Variants in TIMD4 observed in about 807,000 individuals in gnomAD.
The protein encoded by TIMD4 is T-cell immunoglobulin and mucin domain-containing protein 4.
A neutral mutation model predicts 41.2 loss-of-function variants in TIMD4; 31 were observed. The observed-to-expected ratio is 0.75, with a 90% CI of 0.57 to 1.01. The LOEUF (loss-of-function observed/expected upper bound fraction) is 1.01, where lower values mean the gene tolerates loss of function less well. Among genes scored for constraint, TIMD4 ranks in the 50% least tolerant of loss-of-function variants. TIMD4 has a pLI of 0.00. For synonymous variants in TIMD4, 204 were observed against 177.1 expected (o/e 1.15, Z -1.21); for missense variants, 479 against 472.5 (o/e 1.01, Z -0.13).
At chr5:156,946,956 G>T (rs923386314) in intron 5 of TIMD4, among the ~76,000 whole-genome samples, 1 of 151,928 alleles carries the variant, frequency 6.6e-6, no homozygotes, top group Non-Finnish European at 1.5e-5. Context: ...CCAGCACTTT[G>T]GGAGGCCGAG....
chr5:156,954,862 TA>T, intron 1 of TIMD4, 106 bp from the exon 2 acceptor site: 1 of 975,954 alleles, frequency 1.0e-6, no homozygotes, highest in Non-Finnish European at 1.5e-6. Flanking sequence ...AAGAAAGCTG[TA>T]GTCTATGTTT....
chr5:156,939,994 G>C (rs1381305088), intron 5 of TIMD4, among the ~76,000 whole-genome samples: 1 of 152,154 alleles, frequency 6.6e-6, no homozygotes, highest in Non-Finnish European at 1.5e-5. Context: ...GCTTTCCACG[G>C]TCTCCCTCTG....
intron 5 of TIMD4, among the ~76,000 whole-genome samples, chr5:156,936,891 C>T (rs1468252729): frequency 6.6e-6 from 1 of 150,714 alleles, no homozygotes; most frequent in Non-Finnish European, 1.5e-5. Context: ...GAGATGGCGC[C>T]CTTGCCCTCC....
chr5:156,924,444 T>C, intron 6 of TIMD4: 1 of 484,962 alleles, frequency 2.1e-6, no homozygotes, highest in South Asian at 1.6e-5. Context: ...ACCTGCTGGA[T>C]TTTTTCCAGG....
chr5:156,955,755 G>A (rs1176714576), intron 1 of TIMD4, among the ~76,000 whole-genome samples: 1 of 152,054 alleles, frequency 6.6e-6, no homozygotes, highest in Non-Finnish European at 1.5e-5. Context: ...TCCTTTCAGT[G>A]GAAATTACTA....
chr5:156,925,005 AGAG>A (rs933989456), intron 6 of TIMD4, among the ~76,000 whole-genome samples: 1 of 150,370 alleles, frequency 6.7e-6, no homozygotes, highest in African/African-American at 2.5e-5. Flanking sequence ...AAAAAGAAAA[AGAG>A]AGAGAGAGAG....
At chr5:156,949,546 G>C in intron 4 of TIMD4, 105 bp downstream of exon 4, 1 of 952,390 alleles carries the variant, frequency 1.0e-6, no homozygotes, top group Non-Finnish European at 1.6e-6. Flanking sequence ...TGGCACAAAA[G>C]ACCCAAAGAG....
intron 2 of TIMD4, 123 bp downstream of exon 2, chr5:156,954,292 A>C: frequency 1.0e-6 from 1 of 958,780 alleles, no homozygotes; most frequent in South Asian, 1.8e-5. Flanking sequence ...ACTTTATTTC[A>C]AATTCAATCT....
chr5:156,930,969 C>G (rs959883370), intron 5 of TIMD4, among the ~76,000 whole-genome samples: 9 of 152,102 alleles, frequency 5.9e-5, no homozygotes, highest in South Asian at 2.1e-4. Flanking sequence ...CCTGGGTTAT[C>G]TGGTGGGTCT....
At chr5:156,937,142 A>G (rs1759555514) in intron 5 of TIMD4, among the ~76,000 whole-genome samples, 1 of 152,160 alleles carries the variant, frequency 6.6e-6, no homozygotes, top group African/African-American at 2.4e-5. Flanking sequence ...ACTTGGGCAG[A>G]CTTATTGAAA....
intron 1 of TIMD4, among the ~76,000 whole-genome samples, chr5:156,959,465 A>C (rs973213072): frequency 1.3e-5 from 2 of 152,196 alleles, no homozygotes; most frequent in African/African-American, 4.8e-5. Flanking sequence ...GACAAAAAAA[A>C]ATGGTTCCTG....
chr5:156,954,557 A>C lies in TIMD4; in HGVS notation c.258T>G (p.Leu86=). 6.2e-7 allele frequency: 1 copy of C among 1,614,250 alleles called. No homozygotes were observed. The highest frequency in any genetic ancestry group is 1.3e-5 in the African/African-American group (1 of 75,078). Residue 86 remains leucine, a synonymous_variant, in exon 2 of 9, where the codon CTT becomes CTG. Coordinates refer to ENST00000274532, the MANE Select transcript of TIMD4 (RefSeq NM_138379.3). Reference sequence around the variant, plus strand: ...CATCACCTCTCGGGATAGTCCCCTGAAGTCTATATTTTGCTGACTTTCTTG... The same window carrying C: ...CATCACCTCTCGGGATAGTCCCCTGCAGTCTATATTTTGCTGACTTTCTTG... The part of the protein sequence containing the change: ...VTSRKSAKYR[L]QGTIPRGDVS...
chr5:156,924,213 A>C, intron 6 of TIMD4: 1 of 434,286 alleles, frequency 2.3e-6, no homozygotes, highest in South Asian at 1.8e-5. Flanking sequence ...TTCCCTCCCC[A>C]AAATCCCATG....
intron 6 of TIMD4, chr5:156,924,220 C>A: frequency 2.3e-6 from 1 of 426,932 alleles, no homozygotes; most frequent in East Asian, 6.1e-5. Context: ...CCCAAAATCC[C>A]ATGAAGGTTT....
rs1326294013 is a variant in TIMD4 at position 156,951,506 on chromosome 5, G to A, written c.679+6C>T. 1 of 1,613,914 alleles carries A rather than the reference G, an allele frequency of 6.2e-7. No individual in the cohort carries two copies. The highest frequency in any genetic ancestry group is 8.5e-7 in the Non-Finnish European group (1 of 1,179,980). On this transcript the variant is annotated splice_donor_region_variant and intron_variant, in intron 3 of 8. Transcript: ENST00000274532. ...GTTCTAAGAAACCCAAGATACATCT[G>A]CGTACCTGCAGTGAGGATGGGCCCT... is the stretch of plus-strand genomic sequence containing the variant.
At chr5:156,954,026 C>A (rs369442060) in intron 2 of TIMD4, among the ~76,000 whole-genome samples, 174 of 152,266 alleles carry the variant, frequency 1.1e-3, no homozygotes, top group African/African-American at 3.9e-3. Context: ...TTGAAGGTGA[C>A]CCCTGAATAC....
chr5:156,932,225 C>T (rs1278855189), intron 5 of TIMD4, among the ~76,000 whole-genome samples: 1 of 152,302 alleles, frequency 6.6e-6, no homozygotes, highest in Admixed American at 6.5e-5. Flanking sequence ...TAAATTTTCT[C>T]AAATGTGACT....
chr5:156,946,551 ACTGCAAG>A (rs1759746273), intron 5 of TIMD4, among the ~76,000 whole-genome samples: 1 of 151,918 alleles, frequency 6.6e-6, no homozygotes, highest in Non-Finnish European at 1.5e-5. Flanking sequence ...ATCTCGGCTC[ACTGCAAG>A]CTCCGCCTCC....
In TIMD4 at chr5:156,944,536, G is replaced by C. The variant is rs934114757; in HGVS notation, c.844+3880C>G. 3.9e-5 allele frequency among the ~76,000 whole-genome samples: 4 copies of C among 101,880 alleles called. No homozygotes were observed. The South Asian group carries it at 1.3e-3, about 33-fold the overall frequency. 66.8% of individuals were successfully genotyped at this position (101,880 alleles called of 152,430 possible). ...TTTTTTTTTTTTGAGACGGAGTCTC[G>C]TTATTTCCCCCAGGCTGGAGTACAG... On this transcript the variant is annotated intron_variant, in intron 5 of 8. Coordinates refer to ENST00000274532, the MANE Select transcript of TIMD4 (RefSeq NM_138379.3).
Sources: allele counts gnomAD v4.1 joint callset (sites outside exome capture counted in the v4.1 genomes callset), GRCh38; gene constraint gnomAD v4.1.1; transcripts MANE v1.5; gene names NCBI Gene and HGNC (gene_info 2026-07-23, HGNC 2026-07-21).